The following DCTN4 variants were observed in gnomAD, a reference collection of about 807,000 sequenced individuals.
DCTN4 encodes dynactin 4 (p62).
In DCTN4, 23 loss-of-function variants were observed where a neutral mutation model predicts 62.7. That is an observed-to-expected ratio of 0.37 (90% CI 0.26 to 0.52). The LOEUF is 0.52. Ranked by LOEUF, DCTN4 falls within the 20% of genes least tolerant of loss-of-function variation. DCTN4 has a pLI of 0.92. For synonymous variants in DCTN4, 199 were observed against 202.1 expected (o/e 0.98, Z 0.13); for missense variants, 514 against 580.4 (o/e 0.89, Z 1.18).
rs373238735 is a variant in DCTN4 at position 150,740,559 on chromosome 5, CA to C, written c.429+1554del. On this transcript the variant is annotated intron_variant, in intron 4 of 12. Coordinates refer to ENST00000447998, the MANE Select transcript of DCTN4 (RefSeq NM_016221.4). ...ATAATCCTACTACTGGGTATCTACT[CA>C]AGAGGAAAAGAAGTCATTACATGAA... Among the ~76,000 whole-genome samples, 15 of 152,148 alleles carry C rather than the reference CA, an allele frequency of 9.9e-5. No individual in the cohort carries two copies. The East Asian group carries it at 2.1e-3, about 22-fold the overall frequency.
At chr5:150,712,854 C>CATATTTACA (rs1759619667) in intron 12 of DCTN4, among the ~76,000 whole-genome samples, 1 of 152,158 alleles carries the variant, frequency 6.6e-6, no homozygotes, top group South Asian at 2.1e-4. Flanking sequence ...AGAAAGGTTA[C>CATATTTACA]TGGGATTACA....
intron 12 of DCTN4, among the ~76,000 whole-genome samples, chr5:150,712,632 A>T (rs1029237455): frequency 6.6e-6 from 1 of 152,212 alleles, no homozygotes; most frequent in Non-Finnish European, 1.5e-5. Flanking sequence ...CTTTAAGGGA[A>T]ATTTTGGAAC....
chr5:150,737,292 A>C (rs1363612591), intron 4 of DCTN4, among the ~76,000 whole-genome samples: 1 of 152,190 alleles, frequency 6.6e-6, no homozygotes, highest in Non-Finnish European at 1.5e-5. Context: ...AGATCATTCT[A>C]CCCAACAACT....
intron 6 of DCTN4, 38 bp from the exon 7 acceptor site, chr5:150,731,194 G>C (rs1233508117): frequency 5.1e-6 from 7 of 1,384,062 alleles, no homozygotes; most frequent in Non-Finnish European, 7.2e-6. Context: ...CAAAACAAAA[G>C]AGTAATTTCT....
intron 5 of DCTN4, among the ~76,000 whole-genome samples, chr5:150,733,080 G>A (rs866079291): frequency 1.4e-4 from 21 of 152,160 alleles, no homozygotes; most frequent in African/African-American, 4.8e-4. Flanking sequence ...AAAGCTGTAC[G>A]TGGAACTCTG....
rs1759468410 is a variant in DCTN4, at chr5:150,708,990, T to C, written c.*2159A>G. 6.5e-6 allele frequency: 1 copy of C among 152,774 alleles called. No homozygotes were observed. The highest frequency in any genetic ancestry group is 2.4e-5 in the African/African-American group (1 of 41,444). 9.5% of individuals were successfully genotyped at this position (152,774 alleles called of 1,614,324 possible). On this transcript the variant is annotated 3_prime_UTR_variant, in exon 13 of 13. Coordinates refer to ENST00000447998, the MANE Select transcript of DCTN4 (RefSeq NM_016221.4). ...TTAGCCTAAGTTTCCAAAGCTGTAG[T>C]TTCAAGTGCTAATGGGATCTAACTT... is the stretch of plus-strand genomic sequence containing the variant.
At chr5:150,717,629 G>GT (rs1759814323) in intron 11 of DCTN4, among the ~76,000 whole-genome samples, 2 of 152,118 alleles carry the variant, frequency 1.3e-5, no homozygotes, top group African/African-American at 4.8e-5. Flanking sequence ...GATTTTAAAC[G>GT]TATCATTTCT....
At chr5:150,738,572 T>A (rs1296749645) in intron 4 of DCTN4, among the ~76,000 whole-genome samples, 1 of 152,190 alleles carries the variant, frequency 6.6e-6, no homozygotes, top group East Asian at 1.9e-4. Flanking sequence ...GCATCCTTTA[T>A]GAGCAAAACC....
intron 3 of DCTN4, among the ~76,000 whole-genome samples, chr5:150,747,631 T>C (rs1752506193): frequency 1.3e-5 from 2 of 151,822 alleles, no homozygotes; most frequent in South Asian, 2.1e-4. Context: ...TCAGAAATAA[T>C]GCCGCATATC....
chr5:150,720,019 T>C (rs760514819), intron 9 of DCTN4, among the ~76,000 whole-genome samples: 6 of 152,236 alleles, frequency 3.9e-5, no homozygotes, highest in Non-Finnish European at 7.3e-5. Context: ...GATTAGCATT[T>C]ACATATCAAG....
Position 150,722,940 on chromosome 5 carries a change from G to A in DCTN4, c.875C>T (p.Thr292Met). ...CAGCTGGATTTTGAATTTGATTGACGTTGGGTTAAATTCTGGCTTGCTCAA... is the reference window on the plus strand; with the variant it reads ...CAGCTGGATTTTGAATTTGATTGACATTGGGTTAAATTCTGGCTTGCTCAA... ...HNLSKPEFNP[T>M]SIKFKIQLVA... Residue 292 changes from threonine to methionine, a missense_variant, in exon 9 of 13, where the codon ACG (threonine) becomes ATG (methionine). Coordinates refer to ENST00000447998, the MANE Select transcript of DCTN4 (RefSeq NM_016221.4). 1 of 1,612,754 alleles carries A rather than the reference G, an allele frequency of 6.2e-7. No individual in the cohort carries two copies.
chr5:150,753,722 A>C, intron 2 of DCTN4, 65 bp from the exon 3 acceptor site: 1 of 1,496,566 alleles, frequency 6.7e-7, no homozygotes, highest in Non-Finnish European at 9.1e-7. Flanking sequence ...AGAGAGAACA[A>C]ATATAAGGAC....
chr5:150,713,729 C>T (rs1169097258), intron 12 of DCTN4, among the ~76,000 whole-genome samples: 1 of 151,908 alleles, frequency 6.6e-6, no homozygotes, highest in Non-Finnish European at 1.5e-5. Flanking sequence ...CAGGCATCAG[C>T]CACCACACCT....
chr5:150,714,593 G>T (rs1231451426), intron 12 of DCTN4, among the ~76,000 whole-genome samples: 2 of 151,972 alleles, frequency 1.3e-5, no homozygotes, highest in African/African-American at 4.8e-5. Context: ...TCCTAGGCTG[G>T]TTTCAAACTC....
intron 2 of DCTN4, among the ~76,000 whole-genome samples, chr5:150,754,940 G>C (rs1220228292): frequency 6.6e-6 from 1 of 151,042 alleles, no homozygotes; most frequent in Non-Finnish European, 1.5e-5. Context: ...TTCAACCTAG[G>C]CGCCAAAGTG....
chr5:150,735,017 C>T (rs1760524004), intron 4 of DCTN4, among the ~76,000 whole-genome samples: 1 of 152,292 alleles, frequency 6.6e-6, no homozygotes, highest in East Asian at 1.9e-4. Context: ...CTCAGATATG[C>T]CCCCACCTGA....
intron 4 of DCTN4, among the ~76,000 whole-genome samples, chr5:150,734,664 G>A (rs1271400113): frequency 6.6e-6 from 1 of 152,202 alleles, no homozygotes; most frequent in Non-Finnish European, 1.5e-5. Context: ...AGGCGTAAAG[G>A]GGAAGTACAG....
chr5:150,726,332 C>T (rs1760144090), intron 8 of DCTN4, among the ~76,000 whole-genome samples: 1 of 152,176 alleles, frequency 6.6e-6, no homozygotes, highest in South Asian at 2.1e-4. Flanking sequence ...GAGCCACCTC[C>T]TCGAGACATG....
At chr5:150,712,492 A>G (rs978629652) in intron 12 of DCTN4, among the ~76,000 whole-genome samples, 1 of 152,062 alleles carries the variant, frequency 6.6e-6, no homozygotes, top group Admixed American at 6.5e-5. Context: ...CAGTGGCACG[A>G]TCATAGTTCA....
Sources: allele counts gnomAD v4.1 joint callset (sites outside exome capture counted in the v4.1 genomes callset), GRCh38; gene constraint gnomAD v4.1.1; transcripts MANE v1.5; gene names NCBI Gene and HGNC (gene_info 2026-07-23, HGNC 2026-07-21).